The following CC2D1B variants were observed in gnomAD, a reference collection of about 807,000 sequenced individuals.
CC2D1B encodes coiled-coil and C2 domain-containing protein 1B.
Under a neutral mutation model 110.8 loss-of-function variants are expected in CC2D1B, and 92 were observed. The observed-to-expected ratio is 0.83, with a 90% CI of 0.70 to 0.99. The LOEUF (loss-of-function observed/expected upper bound fraction) is 0.99. CC2D1B is among the 50% of genes least tolerant of loss of function. The pLI is 0.00. For missense variants in CC2D1B, 1,136 were observed against 1,089.0 expected (o/e 1.04, Z -0.61); for synonymous variants, 406 against 429.2 (o/e 0.95, Z 0.67).
Position 52,353,596 on chromosome 1 carries a change from G to A in CC2D1B, c.2482C>T (p.Leu828=), listed in dbSNP as rs368931438. The change falls in exon 24 of 25, where the codon CTG becomes TTG. Residue 828 remains leucine, a synonymous_variant. Transcript: ENST00000284376. ...TCCTGGCCACTCAGAGGCTCCCGCA[G>A]CCTCACCTTCACCTCCAGCTTCCCC... is the stretch of plus-strand genomic sequence containing the variant. ...TGGKLEVKVR[L]REPLSGQDVQ... is the part of the protein sequence containing the mutation. 1 of 1,613,380 alleles carries A rather than the reference G, an allele frequency of 6.2e-7. No homozygotes were observed. The highest frequency in any genetic ancestry group is 8.5e-7 in the Non-Finnish European group (1 of 1,179,680).
chr1:52,360,584 A>T, intron 5 of CC2D1B, 35 bp from the exon 6 acceptor site: 9 of 1,603,800 alleles, frequency 5.6e-6, no homozygotes, highest in Non-Finnish European at 7.7e-6. Context: ...TGGCCACTCC[A>T]GGGCCTGCTA....
Position 52,353,643 on chromosome 1 carries a change from A to G in CC2D1B, c.2435T>C (p.Leu812Pro). ...ECEIREIVEV[L>P]DGRKPTGGKL... is the part of the protein sequence containing the mutation. ...CCCCCCGGTGGGCTTCCTTCCATCC[A>G]GGACCTGTGAGGACCACAGAGAGGG... is the stretch of plus-strand genomic sequence containing the variant. Residue 812 changes from leucine (L) to proline (P), a missense_variant, in exon 24 of 25, where the codon CTG (leucine) becomes CCG (proline). Leu to Pro is a moderately conservative substitution (Grantham distance 98). Coordinates refer to ENST00000284376, the MANE Select transcript of CC2D1B (RefSeq NM_001330585.2). 1 of 1,594,692 alleles carries G rather than the reference A, an allele frequency of 6.3e-7. No homozygotes were observed. Among genetic ancestry groups the G allele is most frequent in the Non-Finnish European group, 8.5e-7 (1 of 1,170,120 alleles).
chr1:52,358,806 G>A lies in CC2D1B; in HGVS notation c.1258-48C>T, dbSNP rs142898149. ...GCCTGTGGTCGGCAGCAGCCCACAG[G>A]CCCCCTGCCCAACATGACACACAGT... On this transcript the variant is annotated intron_variant, in intron 11 of 24. Coordinates refer to ENST00000284376, the MANE Select transcript of CC2D1B (RefSeq NM_001330585.2). 10,478 of 1,552,488 alleles carry A rather than the reference G, an allele frequency of 6.7e-3. 43 individuals are homozygous for A. The highest frequency in any genetic ancestry group is 8.6e-3 in the Non-Finnish European group (9,840 of 1,145,552).
chr1:52,355,729 C>T, intron 19 of CC2D1B, 42 bp downstream of exon 19: 1 of 1,613,828 alleles, frequency 6.2e-7, no homozygotes, highest in Non-Finnish European at 8.5e-7. Flanking sequence ...CTTGGAGTGT[C>T]CGGGCAAGAG....
intron 15 of CC2D1B, 161 bp from the exon 16 acceptor site, chr1:52,357,287 C>T (rs1008359813): frequency 2.1e-6 from 2 of 961,446 alleles, no homozygotes; most frequent in Non-Finnish European, 3.1e-6. Context: ...ACACTCTTGC[C>T]TCCCATGGCC....
At position 52,356,193 on chromosome 1, in the gene CC2D1B, T is replaced by C. The variant is rs771162989; in HGVS notation, c.2047A>G (p.Thr683Ala). The part of the protein sequence containing the change: ...THHFELKTFQ[T>A]VRIFSELNST... ...TTCCCTAGGCCTTGGTACCTCACAG[T>C]CTGGAATGTCTTCAACTCAAAGTGG... The change falls in exon 18 of 25, where the codon ACT (threonine) becomes GCT (alanine). Residue 683 changes from threonine (T) to alanine (A), a missense_variant. Transcript: ENST00000284376. 1 of 1,611,868 alleles carries C rather than the reference T, an allele frequency of 6.2e-7. No homozygotes were observed.
chr1:52,358,922 A>T, intron 11 of CC2D1B, 105 bp downstream of exon 11: 1 of 1,517,586 alleles, frequency 6.6e-7, no homozygotes, highest in Non-Finnish European at 8.9e-7. Context: ...AGACAAACAG[A>T]TGATGGTTCA....
chr1:52,363,312 G>A (rs184430844), intron 2 of CC2D1B, among the ~76,000 whole-genome samples: 14 of 151,240 alleles, frequency 9.3e-5, no homozygotes, highest in Admixed American at 2.0e-4. Flanking sequence ...GGAGAATGGC[G>A]TGAACCCGGG....
At chr1:52,354,171 G>A (rs1389068671) in intron 23 of CC2D1B, among the ~76,000 whole-genome samples, 1 of 152,172 alleles carries the variant, frequency 6.6e-6, no homozygotes, top group Admixed American at 6.5e-5. Flanking sequence ...ACCAGGGCCC[G>A]CATAAGAACA....
intron 11 of CC2D1B, 111 bp downstream of exon 11, chr1:52,358,916 A>G (rs1043996538): frequency 1.3e-6 from 2 of 1,507,512 alleles, no homozygotes; most frequent in Admixed American, 1.9e-5. Flanking sequence ...CCAGAGAGAC[A>G]AACAGATGAT....
At chr1:52,355,975 G>T (rs1483242450) in intron 18 of CC2D1B, 131 bp from the exon 19 acceptor site, 26 of 988,046 alleles carry the variant, frequency 2.6e-5, no homozygotes, top group Non-Finnish European at 3.9e-5. Context: ...TGCAGACCTT[G>T]ATCTCTGACT....
intron 15 of CC2D1B, 128 bp from the exon 16 acceptor site, chr1:52,357,254 G>A (rs557687808): frequency 9.6e-6 from 11 of 1,151,812 alleles, no homozygotes; most frequent in Admixed American, 2.4e-5. Context: ...ACAACTCATC[G>A]CCTCCCATTC....
At chr1:52,353,743 A>T in intron 23 of CC2D1B, 96 bp from the exon 24 acceptor site, 1 of 877,348 alleles carries the variant, frequency 1.1e-6, no homozygotes, top group Non-Finnish European at 1.8e-6. Flanking sequence ...AGAGGAGCTA[A>T]GATGTCCTGT....
At chr1:52,355,080 A>G in intron 21 of CC2D1B, 141 bp from the exon 22 acceptor site, 1 of 704,442 alleles carries the variant, frequency 1.4e-6, no homozygotes, top group Non-Finnish European at 2.5e-6. Context: ...GTGGTAGAGC[A>G]TCGCGGTCCT....
chr1:52,357,041 A>C lies in CC2D1B; in HGVS notation c.1838T>G (p.Val613Gly). The C allele has an allele frequency of 6.3e-7, 1 of 1,589,732 alleles. No homozygotes were observed. Among genetic ancestry groups the C allele is most frequent in the Non-Finnish European group, 8.6e-7 (1 of 1,167,684 alleles). The change falls in exon 16 of 25, where the codon GTG (valine) becomes GGG (glycine). Residue 613 changes from valine to glycine, a missense_variant. By Grantham distance (109) the Val-to-Gly change is moderately radical (BLOSUM62 -3). Transcript: ENST00000284376. Reference sequence around the variant, plus strand: ...AAGCATTTTTTGCAGCTGGGCATACACCTCCTCCGCCTTCTGGGAGAGTCG... The same window carrying C: ...AAGCATTTTTTGCAGCTGGGCATACCCCTCCTCCGCCTTCTGGGAGAGTCG... ...DLRLSQKAEE[V>G]YAQLQKMLLE...
chr1:52,351,187 C>T lies in CC2D1B; in HGVS notation c.*2038G>A, dbSNP rs1646525866. The T allele has an allele frequency of 6.6e-6, 1 of 152,226 alleles. No individual in the cohort carries two copies. The highest frequency in any genetic ancestry group is 6.5e-5 in the Admixed American group (1 of 15,288). 9.4% of individuals were successfully genotyped at this position (152,226 alleles called of 1,614,324 possible). A position where few individuals can be genotyped will look rare whatever the true frequency, so the allele number is the denominator to read the frequency against. On this transcript the variant is annotated 3_prime_UTR_variant, in exon 25 of 25. Transcript: ENST00000284376. Reference sequence around the variant, plus strand: ...CTCCAAGTCTGGTGGGAGGCTTTGTCTTGCCTCGTCAGCCTGGAGGTTCTG... The same window carrying T: ...CTCCAAGTCTGGTGGGAGGCTTTGTTTTGCCTCGTCAGCCTGGAGGTTCTG...
At chr1:52,356,567 C>A in intron 16 of CC2D1B, 125 bp from the exon 17 acceptor site, 1 of 986,906 alleles carries the variant, frequency 1.0e-6, no homozygotes, top group Non-Finnish European at 1.6e-6. Flanking sequence ...TCCCACAACA[C>A]AGCCCCAAGG....
At position 52,357,248 on chromosome 1, in the gene CC2D1B, C is replaced by T. The variant is rs116766246; in HGVS notation, c.1753-122G>A. On this transcript the variant is annotated intron_variant, in intron 15 of 24. Coordinates refer to ENST00000284376, the MANE Select transcript of CC2D1B (RefSeq NM_001330585.2). ...TTCTACTAAAGTCCAGTGATGACAA[C>T]TCATCGCCTCCCATTCTATCCCAAA... is the stretch of plus-strand genomic sequence containing the variant. The T allele has an allele frequency of 2.2e-3, 2,595 of 1,189,254 alleles. 44 individuals are homozygous for T. The African/African-American group carries it at 0.034, about 16-fold the overall frequency. 73.7% of individuals were successfully genotyped at this position (1,189,254 alleles called of 1,614,324 possible). A position where few individuals can be genotyped will look rare whatever the true frequency, so the allele number is the denominator to read the frequency against.
At chr1:52,354,143 T>C (rs1252365313) in intron 23 of CC2D1B, among the ~76,000 whole-genome samples, 2 of 152,132 alleles carry the variant, frequency 1.3e-5, no homozygotes, top group Admixed American at 1.3e-4. Flanking sequence ...CCAACCACCC[T>C]CAGTGGCTCC....
Sources: allele counts gnomAD v4.1 joint callset (sites outside exome capture counted in the v4.1 genomes callset), GRCh38; gene constraint gnomAD v4.1.1; transcripts MANE v1.5; gene names NCBI Gene and HGNC (gene_info 2026-07-23, HGNC 2026-07-21).